The following EPCAM variants were observed in gnomAD, a reference collection of about 807,000 sequenced individuals.
EPCAM encodes epithelial cell adhesion molecule, also known as adenocarcinoma-associated antigen.
A neutral mutation model predicts 40.0 loss-of-function variants in EPCAM; 39 were observed. The observed-to-expected ratio is 0.98, with a 90% CI of 0.76 to 1.27. The LOEUF is 1.27. EPCAM is among the 50% of genes most tolerant of loss of function. EPCAM has a pLI of 0.00. For synonymous variants in EPCAM, 168 were observed against 132.3 expected (o/e 1.27, Z -1.85); for missense variants, 503 against 381.2 (o/e 1.32, Z -2.66).
At chr2:47,371,184 C>G (rs1434446750) in intron 1 of EPCAM, among the ~76,000 whole-genome samples, 1 of 151,750 alleles carries the variant, frequency 6.6e-6, no homozygotes, top group East Asian at 1.9e-4. Context: ...TATGTTGCAC[C>G]GTTATTCAAA....
In EPCAM at chr2:47,379,898, G is replaced by C. The variant is rs1376645711; in HGVS notation, c.787G>C (p.Gly263Arg). ...DEKAPEFSMQGLKAGVIAVIV... is the reference protein window; with the variant it reads ...DEKAPEFSMQRLKAGVIAVIV... Reference sequence around the variant, plus strand: ...AAAAGCACCTGAATTCTCAATGCAGGGTCTAAAAGCTGGTGTTATTGCTGT... The same window carrying C: ...AAAAGCACCTGAATTCTCAATGCAGCGTCTAAAAGCTGGTGTTATTGCTGT... Residue 263 changes from glycine to arginine, a missense_variant, in exon 7 of 9, where the codon GGT becomes CGT. Physicochemically the swap from Gly to Arg is moderately radical, Grantham distance 125 (BLOSUM62 -2). Coordinates refer to ENST00000263735, the MANE Select transcript of EPCAM (RefSeq NM_002354.3). 1 of 1,614,102 alleles carries C rather than the reference G, an allele frequency of 6.2e-7. No individual in the cohort carries two copies. The highest frequency in any genetic ancestry group is 1.3e-5 in the African/African-American group (1 of 75,022).
Position 47,377,010 on chromosome 2 carries a change from A to G in EPCAM, c.492-4A>G. 1 of 1,592,278 alleles carries G rather than the reference A, an allele frequency of 6.3e-7. No homozygotes were observed. Among genetic ancestry groups the G allele is most frequent in the Non-Finnish European group, 8.6e-7 (1 of 1,160,098 alleles). ...TTTTAATACAGATTTTAAATTCTTT[A>G]CAGTGCACTTCAGAAGGAGATCACA... On this transcript the variant is annotated splice_region_variant and splice_polypyrimidine_tract_variant and intron_variant, in intron 4 of 8. Transcript: ENST00000263735.
chr2:47,375,118 G>T, intron 3 of EPCAM, 116 bp from the exon 4 acceptor site: 1 of 718,584 alleles, frequency 1.4e-6, no homozygotes, highest in South Asian at 1.6e-5. Flanking sequence ...AATAGCTACT[G>T]CATAAATTTT....
At chr2:47,376,815 A>G (rs1219664964) in intron 4 of EPCAM, among the ~76,000 whole-genome samples, 199 bp from the exon 5 acceptor site, 1 of 152,194 alleles carries the variant, frequency 6.6e-6, no homozygotes, top group East Asian at 1.9e-4. Flanking sequence ...TTTTCTAATT[A>G]AACTGGTACC....
At chr2:47,386,323 G>A (rs1274232737) in intron 8 of EPCAM, among the ~76,000 whole-genome samples, 1 of 152,128 alleles carries the variant, frequency 6.6e-6, no homozygotes, top group African/African-American at 2.4e-5. Flanking sequence ...TATTCTTAAT[G>A]ATCTAGCTTA....
intron 1 of EPCAM, 195 bp downstream of exon 1, chr2:47,369,776 G>A (rs1340923435): frequency 2.8e-6 from 2 of 707,766 alleles, no homozygotes; most frequent in South Asian, 1.5e-5. Flanking sequence ...GCCGTCCCGG[G>A]GAGCAGCCTC....
Position 47,377,019 on chromosome 2 carries a change from T to A in EPCAM, c.497T>A (p.Leu166His), listed in dbSNP as rs1335312662. The change falls in exon 5 of 9, where the codon CTT becomes CAT. Residue 166 changes from leucine (L) to histidine (H), a missense_variant. Physicochemically the swap from Leu to His is moderately conservative, Grantham distance 99. Coordinates refer to ENST00000263735, the MANE Select transcript of EPCAM (RefSeq NM_002354.3). ...PYDSKSLRTA[L>H]QKEITTRYQL... ...AGATTTTAAATTCTTTACAGTGCAC[T>A]TCAGAAGGAGATCACAACGCGTTAT... 2 of 1,604,730 alleles carry A rather than the reference T, an allele frequency of 1.2e-6. No individual in the cohort carries two copies. Among genetic ancestry groups the A allele is most frequent in the African/African-American group, 2.7e-5 (2 of 74,848 alleles).
In EPCAM at chr2:47,373,881, G is replaced by A. The variant is rs2103747237; in HGVS notation, c.258G>A (p.Gly86=). Residue 86 remains glycine, a synonymous_variant, in exon 3 of 9, where the codon GGG becomes GGA. Transcript: ENST00000263735. ...TTGGGAGAAGAGCAAAACCTGAAGG[G>A]GCCCTCCAGAACAATGATGGGCTTT... ...SKLGRRAKPE[G]ALQNNDGLYD... The A allele has an allele frequency of 1.2e-6, 2 of 1,614,038 alleles. No individual in the cohort carries two copies.
Position 47,373,474 on chromosome 2 carries a change from G to C in EPCAM, c.88G>C (p.Glu30Gln). The C allele has an allele frequency of 6.2e-7, 1 of 1,610,176 alleles. No homozygotes were observed. The highest frequency in any genetic ancestry group is 1.1e-5 in the South Asian group (1 of 90,892). ...FAAAQEECVC[E>Q]NYKLAVNCFV... is the part of the protein sequence containing the mutation. ...TTTTAATTTTCTAGAATGTGTCTGT[G>C]AAAACTACAAGCTGGCCGTAAACTG... The change falls in exon 2 of 9, where the codon GAA (glutamate) becomes CAA (glutamine). Residue 30 changes from glutamate to glutamine, a missense_variant. Coordinates refer to ENST00000263735, the MANE Select transcript of EPCAM (RefSeq NM_002354.3).
chr2:47,373,946 A>G lies in EPCAM; in HGVS notation c.323A>G (p.Lys108Arg), dbSNP rs761808010. 4.3e-6 allele frequency: 7 copies of G among 1,614,148 alleles called. No homozygotes were observed. Among genetic ancestry groups the G allele is most frequent in the Non-Finnish European group, 5.9e-6 (7 of 1,180,032 alleles). The change falls in exon 3 of 9, where the codon AAG (lysine) becomes AGG (arginine). Residue 108 changes from lysine (K) to arginine (R), a missense_variant. Lys to Arg is a conservative substitution (Grantham distance 26). Transcript: ENST00000263735. ...DCDESGLFKA[K>R]QCNGTSMCWC... ...GATGAGAGCGGGCTCTTTAAGGCCA[A>G]GCAGTGCAACGGCACCTCCATGTGC...
chr2:47,382,345 C>T (rs185541440), intron 7 of EPCAM, among the ~76,000 whole-genome samples: 4 of 152,172 alleles, frequency 2.6e-5, no homozygotes, highest in Admixed American at 2.6e-4. Context: ...AATGAAAACA[C>T]AAGTGCAATA....
At chr2:47,373,423 G>A (rs777141046) in intron 1 of EPCAM, 40 bp from the exon 2 acceptor site, 2 of 1,267,346 alleles carry the variant, frequency 1.6e-6, no homozygotes, top group South Asian at 1.2e-5. Flanking sequence ...AGAGTTAATA[G>A]ATCCACATTT....
rs1246443141 is a variant in EPCAM, at chr2:47,382,504, C to T, written c.858+2535C>T. On this transcript the variant is annotated intron_variant, in intron 7 of 8. Coordinates refer to ENST00000263735, the MANE Select transcript of EPCAM (RefSeq NM_002354.3). Reference sequence around the variant, plus strand: ...GAGTCCGAGACCAGCCTGACCAACACGGAGAAACCCCGTCTCTACTAAAAA... The same window carrying T: ...GAGTCCGAGACCAGCCTGACCAACATGGAGAAACCCCGTCTCTACTAAAAA... Among the ~76,000 whole-genome samples, 5 of 152,048 alleles carry T rather than the reference C, an allele frequency of 3.3e-5. 1 individual carries two copies. Among genetic ancestry groups the T allele is most frequent in the Non-Finnish European group, 2.9e-5 (2 of 67,972 alleles).
intron 1 of EPCAM, among the ~76,000 whole-genome samples, chr2:47,370,796 T>A (rs951350214): frequency 1.3e-5 from 2 of 151,746 alleles, no homozygotes; most frequent in African/African-American, 4.8e-5. Flanking sequence ...AACGGCGCGA[T>A]CTCATCTCAC....
In EPCAM at chr2:47,385,289, TG is replaced by T. The variant is rs560030306; in HGVS notation, c.903+80del. 748 of 1,146,116 alleles carry T rather than the reference TG, an allele frequency of 6.5e-4. 4 individuals are homozygous for T. In the African/African-American group the frequency reaches 9.3e-3, roughly 14 times the overall value. 71.0% of individuals were successfully genotyped at this position (1,146,116 alleles called of 1,614,324 possible). A position where few individuals can be genotyped will look rare whatever the true frequency, so the allele number is the denominator to read the frequency against. On this transcript the variant is annotated intron_variant, in intron 8 of 8. Coordinates refer to ENST00000263735, the MANE Select transcript of EPCAM (RefSeq NM_002354.3). ...ATCACTCTACCTTCCTACACACTGATGCATTTCAGTTATACTGGAGTCCCTT... is the reference window on the plus strand; with the variant it reads ...ATCACTCTACCTTCCTACACACTGATCATTTCAGTTATACTGGAGTCCCTT...
At chr2:47,374,736 C>G (rs1352981145) in intron 3 of EPCAM, among the ~76,000 whole-genome samples, 1 of 152,006 alleles carries the variant, frequency 6.6e-6, no homozygotes. Context: ...CTCTGCCTCC[C>G]GGGTTCAAGC....
chr2:47,383,719 CCA>C (rs1671661995), intron 7 of EPCAM, among the ~76,000 whole-genome samples: 3 of 141,456 alleles, frequency 2.1e-5, no homozygotes, highest in Admixed American at 7.3e-5. Flanking sequence ...ACTGCAACCT[CCA>C]TCTCCCAGGT....
intron 4 of EPCAM, 117 bp downstream of exon 4, chr2:47,375,416 C>T (rs1017566749): frequency 5.5e-6 from 4 of 722,616 alleles, no homozygotes; most frequent in Non-Finnish European, 1.0e-5. Flanking sequence ...AATAAAGTTA[C>T]TTGAAATAGA....
At chr2:47,383,873 G>A (rs1272894046) in intron 7 of EPCAM, among the ~76,000 whole-genome samples, 1 of 151,736 alleles carries the variant, frequency 6.6e-6, no homozygotes, top group African/African-American at 2.4e-5. Context: ...CTGATGTCAG[G>A]TGATCTGCTC....
Sources: allele counts gnomAD v4.1 joint callset (sites outside exome capture counted in the v4.1 genomes callset), GRCh38; gene constraint gnomAD v4.1.1; transcripts MANE v1.5; gene names NCBI Gene and HGNC (gene_info 2026-07-23, HGNC 2026-07-21).